The following LRP1B variants were observed in gnomAD, a reference collection of about 807,000 sequenced individuals.
LRP1B encodes the protein low-density lipoprotein receptor-related protein 1B.
A neutral mutation model predicts 556.6 loss-of-function variants in LRP1B; 217 were observed. The ratio of observed to expected loss-of-function variants is 0.39; its 90% CI spans 0.35 to 0.44. LRP1B has a LOEUF of 0.44. Among genes scored for constraint, LRP1B ranks in the 20% least tolerant of loss-of-function variants. The probability of loss-of-function intolerance (pLI) is 1.00; values close to 1 mark genes in which losing one functional copy is unlikely to be tolerated. For synonymous variants in LRP1B, 2,047 were observed against 1,865.8 expected (o/e 1.10, Z -2.50); for missense variants, 5,053 against 5,620.8 (o/e 0.90, Z 3.23).
At chr2:141,354,685 C>A (rs148217400) in intron 3 of LRP1B, among the ~76,000 whole-genome samples, 2 of 151,874 alleles carry the variant, frequency 1.3e-5, no homozygotes, top group African/African-American at 4.8e-5. Context: ...TACCTCGGGG[C>A]ATGAGAAAAT....
intron 1 of LRP1B, among the ~76,000 whole-genome samples, chr2:141,866,623 G>T (rs1028515031): frequency 2.0e-5 from 3 of 152,046 alleles, no homozygotes; most frequent in African/African-American, 7.3e-5. Flanking sequence ...CCCTAAGACT[G>T]TTAATTCCAT....
chr2:141,147,817 C>T (rs1046841505), intron 7 of LRP1B, among the ~76,000 whole-genome samples: 2 of 152,138 alleles, frequency 1.3e-5, no homozygotes, highest in East Asian at 1.9e-4. Flanking sequence ...AAACTGCATA[C>T]ACAACAGTGG....
intron 2 of LRP1B, among the ~76,000 whole-genome samples, chr2:141,505,831 C>T (rs10496884): frequency 0.079 from 12,007 of 152,096 alleles, 553 homozygotes; most frequent in South Asian, 0.13. Context: ...AATGTTCTAA[C>T]TATGTCAAAG....
rs147375395 is a variant in LRP1B at position 140,364,020 on chromosome 2, T to G, written c.11131+641A>C. Among the ~76,000 whole-genome samples the G allele has an allele frequency of 2.4e-3, 371 of 151,776 alleles. 2 individuals carry two copies. The highest frequency in any genetic ancestry group is 8.1e-3 in the African/African-American group (335 of 41,484). On this transcript the variant is annotated intron_variant, in intron 72 of 90. Coordinates refer to ENST00000389484, the MANE Select transcript of LRP1B (RefSeq NM_018557.3). ...ATCCTTTATGTTGCTGATCTAAAAT[T>G]AGACTTTTATATTTGTTGGTCTCAT...
chr2:141,412,333 C>T (rs1690882560), intron 3 of LRP1B, among the ~76,000 whole-genome samples: 1 of 152,174 alleles, frequency 6.6e-6, no homozygotes, highest in African/African-American at 2.4e-5. Flanking sequence ...AGAATTCATA[C>T]AAATGAGCTC....
chr2:142,068,681 A>T lies in LRP1B; in HGVS notation c.82+61967T>A, dbSNP rs541253525. 4.0e-5 allele frequency among the ~76,000 whole-genome samples: 6 copies of T among 151,584 alleles called. 1 individual carries two copies. The South Asian group carries it at 1.2e-3, about 31-fold the overall frequency. ...TGCAATATCCTGAAGGACAAGGATC[A>T]CACTCCACTATTCTCTGTTATAACA... On this transcript the variant is annotated intron_variant, in intron 1 of 90. Coordinates refer to ENST00000389484, the MANE Select transcript of LRP1B (RefSeq NM_018557.3).
At chr2:142,018,234 T>TATCAAA in intron 1 of LRP1B, among the ~76,000 whole-genome samples, 1 of 152,338 alleles carries the variant, frequency 6.6e-6, no homozygotes, top group East Asian at 1.9e-4. Context: ...TCTTCTTAAG[T>TATCAAA]TGCAGTTGAT....
chr2:140,255,374 A>G (rs1455759357), intron 86 of LRP1B, among the ~76,000 whole-genome samples: 3 of 152,174 alleles, frequency 2.0e-5, no homozygotes, highest in Admixed American at 6.6e-5. Flanking sequence ...TTACAGTAGT[A>G]TTTTACATTA....
chr2:141,425,165 C>T (rs543628464), intron 3 of LRP1B, among the ~76,000 whole-genome samples: 3 of 151,478 alleles, frequency 2.0e-5, no homozygotes, highest in Non-Finnish European at 4.4e-5. Flanking sequence ...TGAGAACATG[C>T]GGTATTTGGT....
intron 1 of LRP1B, among the ~76,000 whole-genome samples, chr2:141,926,839 A>T (rs1466333782): frequency 3.9e-5 from 6 of 152,120 alleles, no homozygotes; most frequent in African/African-American, 1.4e-4. Flanking sequence ...GAGTGTCCTA[A>T]GATCACTTAG....
At chr2:140,741,835 C>T (rs10203227) in intron 35 of LRP1B, among the ~76,000 whole-genome samples, 73,778 of 151,844 alleles carry the variant, frequency 0.49, 19,095 homozygotes, top group Non-Finnish European at 0.59. Flanking sequence ...TGCTTAGCTC[C>T]CAAATGTAAG....
chr2:141,209,281 G>A (rs1480963481), intron 6 of LRP1B, among the ~76,000 whole-genome samples: 1 of 152,142 alleles, frequency 6.6e-6, no homozygotes. Context: ...TCTCATGAGA[G>A]TAAGTTCTCA....
At chr2:140,910,618 C>A (rs940950014) in intron 21 of LRP1B, among the ~76,000 whole-genome samples, 1 of 151,700 alleles carries the variant, frequency 6.6e-6, no homozygotes, top group African/African-American at 2.4e-5. Flanking sequence ...TACAAGGGTT[C>A]TTTTAAATCA....
intron 2 of LRP1B, among the ~76,000 whole-genome samples, chr2:141,491,671 T>A (rs1683340655): frequency 6.6e-6 from 1 of 152,110 alleles, no homozygotes; most frequent in Non-Finnish European, 1.5e-5. Flanking sequence ...GGGGTCTTAC[T>A]GCTAGAAAGG....
At chr2:141,384,649 A>G (rs1689764436) in intron 3 of LRP1B, among the ~76,000 whole-genome samples, 2 of 152,030 alleles carry the variant, frequency 1.3e-5, no homozygotes, top group Admixed American at 1.3e-4. Context: ...ATAGCTCAGC[A>G]GCATGCCACA....
chr2:140,850,821 G>C (rs1324223763), intron 28 of LRP1B, among the ~76,000 whole-genome samples: 6 of 152,058 alleles, frequency 3.9e-5, no homozygotes, highest in Admixed American at 3.9e-4. Flanking sequence ...CGTGCTTTTA[G>C]TGTATTTTTT....
chr2:141,046,812 T>C (rs535545585), intron 11 of LRP1B, among the ~76,000 whole-genome samples: 2 of 152,252 alleles, frequency 1.3e-5, no homozygotes, highest in Admixed American at 6.5e-5. Flanking sequence ...CCAGGCATGG[T>C]GGCTCATGCC....
intron 1 of LRP1B, among the ~76,000 whole-genome samples, chr2:142,087,266 G>A (rs1574670259): frequency 8.4e-6 from 1 of 119,112 alleles, no homozygotes; most frequent in Non-Finnish European, 1.8e-5. Context: ...CTAGGAGGGA[G>A]AAGAGTATTC....
chr2:141,632,205 T>C (rs981705742), intron 2 of LRP1B, among the ~76,000 whole-genome samples: 1 of 152,156 alleles, frequency 6.6e-6, no homozygotes, highest in African/African-American at 2.4e-5. Flanking sequence ...GTAACAGGCA[T>C]GATTGTATAC....
Sources: gnomAD v4.1 joint callset for allele counts (sites outside exome capture counted in the v4.1 genomes callset) on GRCh38, gnomAD v4.1.1 for gene constraint, MANE v1.5 for transcripts, NCBI Gene and HGNC (gene_info 2026-07-23, HGNC 2026-07-21) for gene names.